Variants in PCDHA6 observed in about 807,000 individuals in gnomAD.
PCDHA6 encodes protocadherin alpha-6.
In PCDHA6, 55 loss-of-function variants were observed where a neutral mutation model predicts 60.3. The ratio of observed to expected loss-of-function variants is 0.91; its 90% CI spans 0.73 to 1.14. The LOEUF (loss-of-function observed/expected upper bound fraction) is 1.14. Ranked by LOEUF, PCDHA6 falls within the 50% of genes most tolerant of loss-of-function variation. The pLI is 0.00. For synonymous variants in PCDHA6, 652 were observed against 557.9 expected, an observed-to-expected ratio of 1.17 and a Z score of -2.38; for missense variants, 1,327 against 1,256.5, an observed-to-expected ratio of 1.06 and a Z score of -0.85.
intron 1 of PCDHA6, chr5:140,859,133 A>C (rs1196792734): frequency 6.7e-6 from 1 of 150,106 alleles, no homozygotes; most frequent in Non-Finnish European, 1.5e-5. Flanking sequence ...TTTTATTTAC[A>C]TAATTTTATC....
chr5:140,974,701 A>G (rs1299087234), intron 1 of PCDHA6, among the ~76,000 whole-genome samples: 2 of 152,012 alleles, frequency 1.3e-5, no homozygotes, highest in Non-Finnish European at 2.9e-5. Flanking sequence ...GGGTTTCACC[A>G]TGTTGTTCAA....
At chr5:140,858,360 GC>G (rs1562537531) in intron 1 of PCDHA6, 1 of 1,592,532 alleles carries the variant, frequency 6.3e-7, no homozygotes. Context: ...ATGGCCTTCA[GC>G]CCCAGCCTTC....
In PCDHA6 at chr5:140,829,954, G is replaced by A. The variant is rs2150178517; in HGVS notation, c.1863G>A (p.Pro621=). 14 of 1,613,992 alleles carry A rather than the reference G, an allele frequency of 8.7e-6. No individual in the cohort carries two copies. In the South Asian group the frequency reaches 9.9e-5, roughly 11 times the overall value. ...LQPPASSARF[P]FRVGLYTGEI... is the part of the protein sequence containing the mutation. ...CCCCGGCAAGCAGCGCTCGCTTCCC[G>A]TTTCGCGTGGGGCTGTACACGGGCG... Residue 621 remains proline (P), a synonymous_variant, in exon 1 of 4, where the codon CCG becomes CCA. Transcript: ENST00000529310.
At chr5:140,889,645 A>AG (rs1314365000) in intron 1 of PCDHA6, among the ~76,000 whole-genome samples, 1 of 152,040 alleles carries the variant, frequency 6.6e-6, no homozygotes, top group African/African-American at 2.4e-5. Context: ...TTGTGTTTGC[A>AG]GGAGATGTCC....
At chr5:140,991,247 T>C (rs1211585397) in intron 3 of PCDHA6, among the ~76,000 whole-genome samples, 1 of 152,200 alleles carries the variant, frequency 6.6e-6, no homozygotes, top group Non-Finnish European at 1.5e-5. Flanking sequence ...AAAGGCAGTA[T>C]TTGAACTCAT....
intron 1 of PCDHA6, among the ~76,000 whole-genome samples, chr5:140,881,841 C>T (rs1386401088): frequency 6.6e-6 from 1 of 152,182 alleles, no homozygotes; most frequent in East Asian, 1.9e-4. Context: ...GCATGGAATT[C>T]TTACACATGG....
rs149287754 is a variant in PCDHA6, at chr5:140,962,549, G to T, written c.2395-16400G>T. Reference sequence around the variant, plus strand: ...GTTTTTTAGAACTAAAAATGTAGAGGATCTCCCCCTAAAAGCCAATTGTTA... The same window carrying T: ...GTTTTTTAGAACTAAAAATGTAGAGTATCTCCCCCTAAAAGCCAATTGTTA... On this transcript the variant is annotated intron_variant, in intron 1 of 3. Coordinates refer to ENST00000529310, the MANE Select transcript of PCDHA6 (RefSeq NM_018909.4). 1.3e-3 allele frequency among the ~76,000 whole-genome samples: 202 copies of T among 152,208 alleles called. 3 individuals carry two copies. The highest frequency in any genetic ancestry group is 4.3e-4 in the Non-Finnish European group (29 of 68,014).
At chr5:140,836,753 A>C (rs2150269223) in intron 1 of PCDHA6, 1 of 1,578,360 alleles carries the variant, frequency 6.3e-7, no homozygotes, top group South Asian at 1.2e-5. Context: ...GTCATAAATA[A>C]TCTTGTTTCC....
Position 140,830,175 on chromosome 5 carries a change from A to G in PCDHA6, c.2084A>G (p.Asp695Gly). 7 of 1,613,542 alleles carry G rather than the reference A, an allele frequency of 4.3e-6. No individual in the cohort carries two copies. The highest frequency in any genetic ancestry group is 5.9e-6 in the Non-Finnish European group (7 of 1,179,878). The part of the protein sequence containing the change: ...GAAGPEAALV[D>G]VNVYLIIAIC... ...GCGGGCCCAGAGGCGGCGCTGGTGG[A>G]TGTCAACGTGTACCTGATCATCGCC... The change falls in exon 1 of 4, where the codon GAT (aspartate) becomes GGT (glycine). Residue 695 changes from aspartate to glycine, a missense_variant. Coordinates refer to ENST00000529310, the MANE Select transcript of PCDHA6 (RefSeq NM_018909.4).
chr5:140,964,380 C>T (rs891362271), intron 1 of PCDHA6, among the ~76,000 whole-genome samples: 9 of 152,120 alleles, frequency 5.9e-5, no homozygotes, highest in Non-Finnish European at 1.3e-4. Context: ...AAGGAGAGTC[C>T]TGGTTTTTCT....
intron 1 of PCDHA6, chr5:140,854,002 A>G: frequency 2.5e-6 from 1 of 395,852 alleles, no homozygotes; most frequent in Non-Finnish European, 3.5e-6. Flanking sequence ...ATCTCTGCCA[A>G]AAAAAAAAAA....
rs1428126460 is a variant in PCDHA6 at position 140,848,665 on chromosome 5, C to T, written c.2394+18180C>T. On this transcript the variant is annotated intron_variant, in intron 1 of 3. Coordinates refer to ENST00000529310, the MANE Select transcript of PCDHA6 (RefSeq NM_018909.4). ...GCGCAGGACCTGGGGCTGGAGCTGG[C>T]GGAGCTGGTGCCGCGCCTGTTCCAG... 1.9e-6 allele frequency: 3 copies of T among 1,592,226 alleles called. 1 individual carries two copies. The highest frequency in any genetic ancestry group is 2.6e-6 in the Non-Finnish European group (3 of 1,163,404).
At chr5:140,862,329 T>C (rs1305735393) in intron 1 of PCDHA6, 1 of 327,554 alleles carries the variant, frequency 3.1e-6, no homozygotes, top group Non-Finnish European at 6.0e-6. Context: ...ATCAGTGTAA[T>C]TGACCCTAAC....
At chr5:140,856,964 G>A in intron 1 of PCDHA6, 1 of 1,590,750 alleles carries the variant, frequency 6.3e-7, no homozygotes, top group Non-Finnish European at 8.6e-7. Flanking sequence ...AGTAAATGAT[G>A]CTATTGACTT....
chr5:140,843,457 G>A, intron 1 of PCDHA6: 1 of 1,596,058 alleles, frequency 6.3e-7, no homozygotes, highest in South Asian at 1.1e-5. Flanking sequence ...GCCTGCTGGT[G>A]CTCACGCTGC....
At chr5:140,941,629 A>G (rs965702759) in intron 1 of PCDHA6, among the ~76,000 whole-genome samples, 12 of 151,584 alleles carry the variant, frequency 7.9e-5, no homozygotes, top group African/African-American at 2.9e-4. Context: ...CTGCTTCTTA[A>G]TTTCTGTCTT....
rs1588262423 is a variant in PCDHA6 at position 141,011,885 on chromosome 5, T to C, written c.*1948T>C. 1 of 153,482 alleles carries C rather than the reference T, an allele frequency of 6.5e-6. No homozygotes were observed. The highest frequency in any genetic ancestry group is 1.9e-4 in the East Asian group (1 of 5,202). 9.5% of individuals were successfully genotyped at this position (153,482 alleles called of 1,614,324 possible). ...ATAATGTACAATTTAGAAGTTTGATTAATTATATTATCTATTTAGGCATTA... is the reference window on the plus strand; with the variant it reads ...ATAATGTACAATTTAGAAGTTTGATCAATTATATTATCTATTTAGGCATTA... On this transcript the variant is annotated 3_prime_UTR_variant, in exon 4 of 4. Transcript: ENST00000529310.
chr5:140,829,101 T>C lies in PCDHA6; in HGVS notation c.1010T>C (p.Leu337Ser), dbSNP rs2150162568. 8 of 1,611,922 alleles carry C rather than the reference T, an allele frequency of 5.0e-6. No homozygotes were observed. In the Admixed American group the frequency reaches 1.3e-4, roughly 27 times the overall value. ...CCCATGGCGGGTCATTGCACCGTTT[T>C]AGTGAGAATTTTGGATAAAAATGAT... Reference protein sequence around the residue: ...HPPMAGHCTVLVRILDKNDNV... With the variant: ...HPPMAGHCTVSVRILDKNDNV... Residue 337 changes from leucine to serine, a missense_variant, in exon 1 of 4, where the codon TTA (leucine) becomes TCA (serine). Physicochemically the swap from Leu to Ser is moderately radical, Grantham distance 145 (BLOSUM62 -2). Transcript: ENST00000529310.
Position 140,855,940 on chromosome 5 carries a change from T to G in PCDHA6, c.2394+25455T>G, listed in dbSNP as rs781849353. 20 of 1,323,248 alleles carry G rather than the reference T, an allele frequency of 1.5e-5. 4 individuals carry two copies. The highest frequency in any genetic ancestry group is 2.9e-5 in the South Asian group (2 of 68,766). The allele number at this position is 1,323,248 out of a possible 1,614,324, so 82.0% of individuals were successfully genotyped here. A position where few individuals can be genotyped will look rare whatever the true frequency, so the allele number is the denominator to read the frequency against. Reference sequence around the variant, plus strand: ...TAGGAAGTAGCGTCATTCTGAGATCTCAGCCATTTCGATAAAAAATAGATA... The same window carrying G: ...TAGGAAGTAGCGTCATTCTGAGATCGCAGCCATTTCGATAAAAAATAGATA... On this transcript the variant is annotated intron_variant, in intron 1 of 3. Transcript: ENST00000529310.
Sources: allele counts gnomAD v4.1 joint callset (sites outside exome capture counted in the v4.1 genomes callset), GRCh38; gene constraint gnomAD v4.1.1; transcripts MANE v1.5; gene names NCBI Gene and HGNC (gene_info 2026-07-23, HGNC 2026-07-21).